FNDC3B: variants seen among roughly 807,000 people sequenced by gnomAD.
FNDC3B encodes fibronectin type III domain containing 3B.
In FNDC3B, 12 loss-of-function variants were observed where a neutral mutation model predicts 151.5. The ratio of observed to expected loss-of-function variants is 0.08; its 90% CI spans 0.05 to 0.13. The LOEUF (loss-of-function observed/expected upper bound fraction) is 0.13. Ranked by LOEUF, FNDC3B falls within the 10% of genes least tolerant of loss-of-function variation. The pLI, the probability that FNDC3B is intolerant of heterozygous loss-of-function variation, is 1.00. For synonymous variants in FNDC3B, 528 were observed against 549.0 expected (o/e 0.96, Z 0.54); for missense variants, 1,214 against 1,505.3 (o/e 0.81, Z 3.20).
intron 7 of FNDC3B, among the ~76,000 whole-genome samples, chr3:172,292,190 T>C (rs1662203394): frequency 6.6e-6 from 1 of 152,130 alleles, no homozygotes; most frequent in Non-Finnish European, 1.5e-5. Context: ...ACAAGAAGGA[T>C]TTGGCCCCAG....
At chr3:172,118,926 T>C (rs1043561131) in intron 2 of FNDC3B, among the ~76,000 whole-genome samples, 2 of 151,994 alleles carry the variant, frequency 1.3e-5, no homozygotes, top group African/African-American at 4.8e-5. Context: ...CCCAGCACTT[T>C]GGGAGGCTGA....
chr3:172,051,881 T>C (rs1716670546), intron 1 of FNDC3B, among the ~76,000 whole-genome samples: 1 of 152,330 alleles, frequency 6.6e-6, no homozygotes, highest in East Asian at 1.9e-4. Context: ...TTCTATTAGA[T>C]TGTGAATTGA....
At chr3:172,306,115 A>G (rs1180604659) in intron 9 of FNDC3B, among the ~76,000 whole-genome samples, 2 of 152,196 alleles carry the variant, frequency 1.3e-5, no homozygotes, top group Admixed American at 6.5e-5. Context: ...TGAATTTTTC[A>G]TGATGGACTT....
intron 1 of FNDC3B, among the ~76,000 whole-genome samples, chr3:172,071,766 A>G (rs891598914): frequency 6.6e-6 from 1 of 152,170 alleles, no homozygotes; most frequent in Admixed American, 6.5e-5. Context: ...GGGGGCTTTG[A>G]AGCATATTGT....
At chr3:172,312,590 G>A (rs1430305698) in intron 11 of FNDC3B, among the ~76,000 whole-genome samples, 4 of 145,936 alleles carry the variant, frequency 2.7e-5, no homozygotes, top group Admixed American at 1.3e-4. Context: ...CACCAGTACA[G>A]AAAAGGCATT....
intron 6 of FNDC3B, among the ~76,000 whole-genome samples, chr3:172,264,935 C>G (rs1216305036): frequency 6.6e-6 from 1 of 152,156 alleles, no homozygotes; most frequent in Non-Finnish European, 1.5e-5. Flanking sequence ...ATTTCCATTT[C>G]CTTCCTTTTG....
chr3:172,349,836 A>G (rs1038290364), intron 21 of FNDC3B, among the ~76,000 whole-genome samples: 1 of 151,916 alleles, frequency 6.6e-6, no homozygotes, highest in African/African-American at 2.4e-5. Context: ...TTGTATTTTT[A>G]GTAGAGATGG....
At chr3:172,174,915 G>T in intron 3 of FNDC3B, among the ~76,000 whole-genome samples, 2 of 103,170 alleles carry the variant, frequency 1.9e-5, no homozygotes, top group African/African-American at 3.4e-5. Context: ...TGTGGACTTT[G>T]GAGACCTTCC....
At chr3:172,116,691 G>T (rs1286986641) in intron 2 of FNDC3B, among the ~76,000 whole-genome samples, 1 of 151,932 alleles carries the variant, frequency 6.6e-6, no homozygotes, top group Non-Finnish European at 1.5e-5. Flanking sequence ...TCAGCCTTCC[G>T]AGTAGCTGGG....
intron 1 of FNDC3B, among the ~76,000 whole-genome samples, chr3:172,102,865 T>C (rs1040833616): frequency 6.6e-6 from 1 of 152,248 alleles, no homozygotes; most frequent in Non-Finnish European, 1.5e-5. Flanking sequence ...TTTCTCTCAC[T>C]GTCTTACAGA....
chr3:172,376,540 T>C (rs1735150332), intron 23 of FNDC3B, among the ~76,000 whole-genome samples: 1 of 152,180 alleles, frequency 6.6e-6, no homozygotes, highest in South Asian at 2.1e-4. Flanking sequence ...TGTTAGAGAT[T>C]GTAGACTAGG....
chr3:172,155,142 C>T (rs985546891), intron 3 of FNDC3B, among the ~76,000 whole-genome samples: 1 of 152,136 alleles, frequency 6.6e-6, no homozygotes, highest in Non-Finnish European at 1.5e-5. Context: ...AGAACTTAGT[C>T]AAAGATGATC....
At chr3:172,172,866 A>G (rs1175295277) in intron 3 of FNDC3B, among the ~76,000 whole-genome samples, 1 of 152,192 alleles carries the variant, frequency 6.6e-6, no homozygotes, top group East Asian at 1.9e-4. Context: ...CATTTCCTCA[A>G]TGAAAGAATA....
At chr3:172,128,156 T>C (rs1406856458) in intron 2 of FNDC3B, among the ~76,000 whole-genome samples, 1 of 152,116 alleles carries the variant, frequency 6.6e-6, no homozygotes, top group Non-Finnish European at 1.5e-5. Context: ...GAGTTCCCAG[T>C]GTTTGCTTAG....
At chr3:172,370,543 A>G (rs1380460747) in intron 23 of FNDC3B, among the ~76,000 whole-genome samples, 1 of 152,246 alleles carries the variant, frequency 6.6e-6, no homozygotes, top group African/African-American at 2.4e-5. Context: ...TCAATCTCAT[A>G]AAAGTTCCTG....
chr3:172,105,095 T>G (rs1719577199), intron 1 of FNDC3B, among the ~76,000 whole-genome samples: 1 of 152,182 alleles, frequency 6.6e-6, no homozygotes, highest in Non-Finnish European at 1.5e-5. Flanking sequence ...CTCTCTCTCT[T>G]TCCCTCTCTT....
intron 3 of FNDC3B, among the ~76,000 whole-genome samples, chr3:172,153,374 G>T (rs571183643): frequency 4.4e-4 from 67 of 152,274 alleles, no homozygotes; most frequent in African/African-American, 1.6e-3. Context: ...AGTGCTCCCT[G>T]CACTTGGGAG....
At chr3:172,116,778 A>G (rs1016544002) in intron 2 of FNDC3B, among the ~76,000 whole-genome samples, 7 of 152,072 alleles carry the variant, frequency 4.6e-5, no homozygotes, top group Admixed American at 3.3e-4. Context: ...GTTGGCCAGG[A>G]TGGTCTTGAA....
intron 25 of FNDC3B, among the ~76,000 whole-genome samples, chr3:172,392,419 T>A (rs1736055331): frequency 1.3e-5 from 2 of 152,174 alleles, no homozygotes. Context: ...AAAAATATAA[T>A]AAGATGCTTG....
Sources: gnomAD v4.1 joint callset for allele counts (sites outside exome capture counted in the v4.1 genomes callset) on GRCh38, gnomAD v4.1.1 for gene constraint, MANE v1.5 for transcripts, NCBI Gene and HGNC (gene_info 2026-07-23, HGNC 2026-07-21) for gene names.